The following ANK2 variants were observed in gnomAD, a reference collection of about 807,000 sequenced individuals.
The protein encoded by ANK2 is ankyrin 2.
Under a neutral mutation model 360.5 loss-of-function variants are expected in ANK2, and 83 were observed. That is an observed-to-expected ratio of 0.23 (90% CI 0.19 to 0.28). The LOEUF is 0.28. Ranked by LOEUF, ANK2 falls within the 10% of genes least tolerant of loss-of-function variation. The probability of loss-of-function intolerance (pLI) is 1.00; values close to 1 mark genes in which losing one functional copy is unlikely to be tolerated. For synonymous variants in ANK2, 1,740 were observed against 1,759.5 expected (o/e 0.99, Z 0.28); for missense variants, 4,201 against 4,795.7 (o/e 0.88, Z 3.66).
chr4:112,877,732 A>G (rs1418196467), intron 1 of ANK2, among the ~76,000 whole-genome samples: 1 of 152,002 alleles, frequency 6.6e-6, no homozygotes, highest in Non-Finnish European at 1.5e-5. Context: ...CTGACTCAGA[A>G]TCTACACTTC....
chr4:113,381,459 C>T lies in ANK2; in HGVS notation c.11862C>T (p.Asp3954=), dbSNP rs755240882. Residue 3954 remains aspartate, a splice_region_variant and synonymous_variant, in exon 46 of 46, where the codon GAC becomes GAT. Transcript: ENST00000357077. ...VLKSDTEQSE[D]NNE is the part of the protein sequence containing the mutation. The stretch of plus-strand genomic sequence containing the variant: ...CTCTCTTGTCTGCTTTTCTCCAGGA[C>T]AACAATGAGTAAAGCCATCACACAG... 3.3e-5 allele frequency: 54 copies of T among 1,614,138 alleles called. No individual in the cohort carries two copies. The highest frequency in any genetic ancestry group is 3.8e-5 in the Non-Finnish European group (45 of 1,180,016).
At chr4:112,947,874 A>G (rs577152721) in intron 2 of ANK2, among the ~76,000 whole-genome samples, 14 of 152,212 alleles carry the variant, frequency 9.2e-5, no homozygotes, top group Non-Finnish European at 2.1e-4. Context: ...ATGTCAGTGA[A>G]TACAGTGCAG....
At chr4:113,242,879 C>T (rs931772353) in intron 9 of ANK2, among the ~76,000 whole-genome samples, 1 of 152,106 alleles carries the variant, frequency 6.6e-6, no homozygotes, top group South Asian at 2.1e-4. Flanking sequence ...ATTTCAAATC[C>T]TATTTTTACT....
rs115169272 is a variant in ANK2 at position 112,823,169 on chromosome 4, T to C, written c.-40+4905T>C. 5.6e-3 allele frequency among the ~76,000 whole-genome samples: 850 copies of C among 152,306 alleles called. 12 individuals are homozygous for C. The highest frequency in any genetic ancestry group is 0.019 in the African/African-American group (782 of 41,566). ...TGTTTAATTACAATTTTTGGAAATC[T>C]CAAATTCAATACAGAGGTCCTCTGA... is the stretch of plus-strand genomic sequence containing the variant. On this transcript the variant is annotated intron_variant, in intron 1 of 30. Coordinates refer to the ANK2 transcript ENST00000503271.
chr4:113,069,530 A>G (rs967809966), intron 1 of ANK2, among the ~76,000 whole-genome samples: 2 of 152,248 alleles, frequency 1.3e-5, no homozygotes, highest in Non-Finnish European at 2.9e-5. Flanking sequence ...GTCTTTTAAA[A>G]GCCAAAATTA....
the ANK2 span, among the ~76,000 whole-genome samples, chr4:112,796,446 ATATATCTATC>A: frequency 8.9e-6 from 1 of 112,768 alleles, no homozygotes; most frequent in South Asian, 3.2e-4. Context: ...CTATATATCT[ATATATCTATC>A]TATATATATA....
the ANK2 span, among the ~76,000 whole-genome samples, chr4:112,782,036 G>C: frequency 6.6e-6 from 1 of 151,946 alleles, no homozygotes. Context: ...CACCATATTG[G>C]CCAGGCTAGT....
intron 2 of ANK2, among the ~76,000 whole-genome samples, chr4:112,953,193 A>G (rs1417074551): frequency 2.0e-5 from 3 of 152,256 alleles, no homozygotes; most frequent in Non-Finnish European, 4.4e-5. Context: ...CAGAGGCACT[A>G]TAATCTCCTG....
intron 13 of ANK2, among the ~76,000 whole-genome samples, chr4:113,264,227 T>A (rs1039120493): frequency 1.3e-5 from 2 of 152,260 alleles, no homozygotes; most frequent in Non-Finnish European, 2.9e-5. Flanking sequence ...AAATAATATT[T>A]TATTTCAGAA....
At chr4:113,074,847 G>A (rs1218219913) in intron 1 of ANK2, among the ~76,000 whole-genome samples, 3 of 152,194 alleles carry the variant, frequency 2.0e-5, no homozygotes, top group Non-Finnish European at 2.9e-5. Context: ...ACTCAAATAC[G>A]TTTATGAAGT....
At chr4:113,291,154 G>A (rs1213090106) in intron 20 of ANK2, among the ~76,000 whole-genome samples, 1 of 152,196 alleles carries the variant, frequency 6.6e-6, no homozygotes, top group African/African-American at 2.4e-5. Context: ...TGTGTGATTA[G>A]TAAATGCTTG....
intron 41 of ANK2, 74 bp downstream of exon 41, chr4:113,365,256 G>A (rs1396724991): frequency 4.1e-5 from 62 of 1,518,006 alleles, no homozygotes; most frequent in Non-Finnish European, 5.4e-5. Context: ...GGTTAATTGA[G>A]GCACTGGACC....
chr4:113,275,180 C>T (rs1311384733), intron 15 of ANK2, among the ~76,000 whole-genome samples: 1 of 152,322 alleles, frequency 6.6e-6, no homozygotes, highest in East Asian at 1.9e-4. Flanking sequence ...TGGGTATTTA[C>T]AGTGTTTAAA....
At chr4:112,773,914 C>T in the ANK2 span, among the ~76,000 whole-genome samples, 29 of 152,192 alleles carry the variant, frequency 1.9e-4, no homozygotes, top group Non-Finnish European at 1.5e-4. Flanking sequence ...GATTCTCCTG[C>T]CTCAGACTCC....
At chr4:113,246,587 C>T (rs1424987268) in intron 9 of ANK2, among the ~76,000 whole-genome samples, 1 of 151,778 alleles carries the variant, frequency 6.6e-6, no homozygotes, top group Non-Finnish European at 1.5e-5. Flanking sequence ...TGTGGTGATA[C>T]CGCATATTAG....
chr4:112,789,657 ATATGTAG>A, the ANK2 span, among the ~76,000 whole-genome samples: 2 of 152,140 alleles, frequency 1.3e-5, no homozygotes, highest in Non-Finnish European at 2.9e-5. Context: ...TCCCTCAGGG[ATATGTAG>A]TATATATCCT....
chr4:113,096,788 T>A (rs1193039099), intron 1 of ANK2, among the ~76,000 whole-genome samples: 1 of 152,062 alleles, frequency 6.6e-6, no homozygotes, highest in African/African-American at 2.4e-5. Context: ...CAATGCTGTA[T>A]GTAGAAACAT....
chr4:113,305,693 G>A (rs1272267839), intron 23 of ANK2, among the ~76,000 whole-genome samples: 1 of 152,184 alleles, frequency 6.6e-6, no homozygotes, highest in Non-Finnish European at 1.5e-5. Flanking sequence ...ACACTTTAAT[G>A]TTTTGTGAGG....
chr4:113,358,318 C>G lies in ANK2; in HGVS notation c.9700C>G (p.Pro3234Ala). The G allele has an allele frequency of 1.2e-6, 2 of 1,613,414 alleles. No homozygotes were observed. The highest frequency in any genetic ancestry group is 2.2e-5 in the South Asian group (2 of 91,010). ...DLPTVQTGDI[P>A]PLSGVKQISC... The stretch of plus-strand genomic sequence containing the variant: ...CCCCACCGTGCAAACGGGTGATATA[C>G]CTCCTCTCTCTGGTGTAAAGCAGAT... The change falls in exon 38 of 46, where the codon CCT (proline) becomes GCT (alanine). Residue 3234 changes from proline (P) to alanine (A), a missense_variant. This residue lies in a region of ANK2 where 2,642 missense variants were observed against 2,714.5 expected (regional missense o/e 0.97). Transcript: ENST00000357077.
Sources: gnomAD v4.1 joint callset for allele counts (sites outside exome capture counted in the v4.1 genomes callset) on GRCh38, gnomAD v4.1.1 for gene constraint, gnomAD v4.1.1 regional missense constraint, MANE v1.5 for transcripts, NCBI Gene and HGNC (gene_info 2026-07-23, HGNC 2026-07-21) for gene names.